Variants in KLHL4 observed in about 807,000 individuals in gnomAD.
KLHL4 encodes the protein kelch like family member 4, also known as kelch-like protein 4.
In KLHL4, 17 loss-of-function variants were observed where a neutral mutation model predicts 45.8. That is an observed-to-expected ratio of 0.37 (90% CI 0.25 to 0.56). The LOEUF is 0.56. Ranked by LOEUF, KLHL4 falls within the 20% of genes least tolerant of loss-of-function variation. The probability of loss-of-function intolerance (pLI) is 0.79; values close to 1 mark genes in which losing one functional copy is unlikely to be tolerated. For missense variants in KLHL4, 544 were observed against 544.9 expected (o/e 1.00, Z 0.02); for synonymous variants, 224 against 189.9 (o/e 1.18, Z -1.47).
intron 1 of KLHL4, among the ~76,000 whole-genome samples, chrX:87,566,439 T>C (rs1265758315): frequency 1.8e-5 from 2 of 111,866 alleles, no homozygotes; most frequent in Admixed American, 9.5e-5. Context: ...CTGAAAATCA[T>C]AGCTTAGCCT....
At chrX:87,649,351 C>T (rs1923735557) in intron 9 of KLHL4, among the ~76,000 whole-genome samples, 1 of 111,371 alleles carries the variant, frequency 9.0e-6, no homozygotes, top group Non-Finnish European at 1.9e-5. Flanking sequence ...TAATATGTGT[C>T]AGAATTTCAT....
chrX:87,640,736 C>A lies in KLHL4; in HGVS notation c.1925+4961C>A, dbSNP rs760267794. ...TGACAAACCCACAGCCAACATAATA[C>A]TGAACAGGGAAAAGTTGAAAACATT... is the stretch of plus-strand genomic sequence containing the variant. On this transcript the variant is annotated intron_variant, in intron 9 of 10. Transcript: ENST00000373119. Among the ~76,000 whole-genome samples the A allele has an allele frequency of 2.2e-3, 249 of 111,482 alleles. 1 individual carries two copies. The highest frequency in any genetic ancestry group is 2.8e-3 in the Non-Finnish European group (148 of 53,083).
chrX:87,620,105 T>G (rs1416007789), intron 4 of KLHL4, among the ~76,000 whole-genome samples: 2 of 111,379 alleles, frequency 1.8e-5, no homozygotes, highest in African/African-American at 6.5e-5. Context: ...ATACATAAAA[T>G]TAACCATTTA....
chrX:87,644,191 A>T (rs1180482991), intron 9 of KLHL4, among the ~76,000 whole-genome samples: 1 of 111,865 alleles, frequency 8.9e-6, no homozygotes, highest in East Asian at 2.8e-4. Context: ...CTGATAAAAG[A>T]ATTCAGCAAA....
chrX:87,635,430 A>AATAT (rs1923233621), intron 8 of KLHL4, 133 bp from the exon 9 acceptor site: 4 of 450,933 alleles, frequency 8.9e-6, no homozygotes, highest in Non-Finnish European at 1.5e-5. Context: ...GTAGGAGTAG[A>AATAT]ATATATAGTC....
chrX:87,536,624 G>A (rs1353353862), intron 1 of KLHL4, among the ~76,000 whole-genome samples: 2 of 107,146 alleles, frequency 1.9e-5, no homozygotes, highest in Non-Finnish European at 3.9e-5. Context: ...TGCTGCCACC[G>A]AGACTCAAAT....
intron 1 of KLHL4, among the ~76,000 whole-genome samples, chrX:87,594,789 A>G (rs751741654): frequency 1.8e-5 from 2 of 111,578 alleles, no homozygotes; most frequent in African/African-American, 6.5e-5. Flanking sequence ...ATTTTTTCAT[A>G]TTGTATTTCA....
chrX:87,632,287 C>T lies in KLHL4; in HGVS notation c.1402C>T (p.Gln468Ter). ...TGGCACCATGAATGGCCGTAGGCTT[C>T]AATTTGGAGTCGCAGTTATTGATAA... ...HIGTMNGRRL[Q>*]FGVAVIDNKL... The change falls in exon 7 of 11, where the codon CAA (glutamine) becomes TAA (stop). Residue 468 changes from glutamine (Q) to a stop codon, truncating the protein, a stop_gained. Coordinates refer to ENST00000373119, the MANE Select transcript of KLHL4 (RefSeq NM_019117.5). LOFTEE classifies it high-confidence loss of function. The T allele has an allele frequency of 8.3e-7, 1 of 1,209,108 alleles. No homozygotes were observed. Among genetic ancestry groups the T allele is most frequent in the Non-Finnish European group, 1.1e-6 (1 of 893,471 alleles).
chrX:87,526,929 G>A (rs1931122883), intron 1 of KLHL4, among the ~76,000 whole-genome samples: 1 of 111,296 alleles, frequency 9.0e-6, no homozygotes, highest in East Asian at 2.8e-4. Flanking sequence ...TTGAGGGAGA[G>A]GTTCCATTCA....
At chrX:87,539,568 T>TTA (rs1204442284) in intron 1 of KLHL4, among the ~76,000 whole-genome samples, 3 of 110,541 alleles carry the variant, frequency 2.7e-5, no homozygotes, top group African/African-American at 6.6e-5. Context: ...TCTAGGATTA[T>TTA]TATATATATA....
At chrX:87,537,022 AAG>A (rs1191923705) in intron 1 of KLHL4, among the ~76,000 whole-genome samples, 1 of 111,754 alleles carries the variant, frequency 8.9e-6, no homozygotes, top group Non-Finnish European at 1.9e-5. Context: ...TAAATATAAA[AAG>A]AATTGCTACT....
intron 1 of KLHL4, among the ~76,000 whole-genome samples, chrX:87,587,764 A>G (rs998539444): frequency 1.8e-5 from 2 of 111,333 alleles, no homozygotes; most frequent in African/African-American, 6.5e-5. Flanking sequence ...ACCTGCTGTC[A>G]TCACTTTTAT....
At chrX:87,663,022 CTTT>C (rs56203819) in intron 9 of KLHL4, among the ~76,000 whole-genome samples, 10 of 87,564 alleles carry the variant, frequency 1.1e-4, no homozygotes, top group Non-Finnish European at 2.0e-4. Context: ...TTTTCTGATG[CTTT>C]TTTTTTTTTT....
chrX:87,583,851 G>T (rs1009776162), intron 1 of KLHL4, among the ~76,000 whole-genome samples: 6 of 110,958 alleles, frequency 5.4e-5, no homozygotes, highest in Admixed American at 9.6e-5. Context: ...GACCACAAGG[G>T]GGCAGAGCAC....
intron 1 of KLHL4, among the ~76,000 whole-genome samples, chrX:87,527,997 G>A (rs1931147156): frequency 9.0e-6 from 1 of 110,578 alleles, no homozygotes; most frequent in South Asian, 3.8e-4. Context: ...TACACCTGAT[G>A]GTAAAACTAA....
rs190019283 is a variant in KLHL4 at position 87,650,865 on chromosome X, A to T, written c.1926-13899A>T. 2.8e-3 allele frequency among the ~76,000 whole-genome samples: 317 copies of T among 111,811 alleles called. 7 individuals are homozygous for T. The highest frequency in any genetic ancestry group is 9.9e-3 in the African/African-American group (305 of 30,794). ...GTGGAAGCCAAAAGGCACTTCTTAC[A>T]CGGTAGCAGCAAGAGAGAAACAGAG... On this transcript the variant is annotated intron_variant, in intron 9 of 10. Transcript: ENST00000373119.
At chrX:87,619,571 A>G (rs1922679516) in intron 4 of KLHL4, among the ~76,000 whole-genome samples, 1 of 112,064 alleles carries the variant, frequency 8.9e-6, no homozygotes, top group Admixed American at 9.5e-5. Flanking sequence ...TTCTACCACA[A>G]AAAATAAACA....
chrX:87,595,962 G>C (rs193228937), intron 1 of KLHL4, among the ~76,000 whole-genome samples: 176 of 111,398 alleles, frequency 1.6e-3, no homozygotes, highest in African/African-American at 5.3e-3. Context: ...GGATCATGGA[G>C]GCAGATTTCT....
At chrX:87,573,678 C>A (rs1921005693) in intron 1 of KLHL4, among the ~76,000 whole-genome samples, 1 of 111,288 alleles carries the variant, frequency 9.0e-6, no homozygotes, top group Non-Finnish European at 1.9e-5. Flanking sequence ...AATCATAACT[C>A]TCTATAGAAA....
Sources: allele counts gnomAD v4.1 joint callset (sites outside exome capture counted in the v4.1 genomes callset), GRCh38; gene constraint gnomAD v4.1.1; transcripts MANE v1.5; gene names NCBI Gene and HGNC (gene_info 2026-07-23, HGNC 2026-07-21).